MED12L: variants seen among roughly 807,000 people sequenced by gnomAD.
MED12L encodes mediator of RNA polymerase II transcription subunit 12-like protein.
In MED12L, 60 loss-of-function variants were observed where a neutral mutation model predicts 281.3. That is an observed-to-expected ratio of 0.21 (90% confidence interval 0.17 to 0.26). The LOEUF is 0.26. Ranked by LOEUF, MED12L falls within the 10% of genes least tolerant of loss-of-function variation. The pLI is 1.00. For synonymous variants in MED12L, 974 were observed against 987.2 expected (o/e 0.99, Z 0.25); for missense variants, 2,146 against 2,680.9 (o/e 0.80, Z 4.41).
chr3:151,096,422 A>G (rs1720717819), intron 2 of MED12L, among the ~76,000 whole-genome samples: 1 of 142,746 alleles, frequency 7.0e-6, no homozygotes, highest in South Asian at 2.2e-4. Flanking sequence ...TACACATTCC[A>G]GGAACTCTCC....
chr3:151,388,173 G>A lies in MED12L; in HGVS notation c.5451+1G>A, dbSNP rs1168480208. On this transcript the variant is annotated splice_donor_variant, in intron 37 of 44. Coordinates refer to ENST00000687756, the MANE Select transcript of MED12L (RefSeq NM_001393769.1). LOFTEE classifies it high-confidence loss of function. ...GACGAAATCTAGCTCAAGAGTTGAT[G>A]TAAGTGGGGAAAGGAAGGAGAACCT... is the stretch of plus-strand genomic sequence containing the variant. The A allele has an allele frequency of 6.3e-7, 1 of 1,590,270 alleles. No homozygotes were observed. Among genetic ancestry groups the A allele is most frequent in the Non-Finnish European group, 8.5e-7 (1 of 1,173,414 alleles).
Position 151,304,265 on chromosome 3 carries a change from A to G in MED12L, c.2251-45794A>G, listed in dbSNP as rs1298346875. 6.6e-5 allele frequency among the ~76,000 whole-genome samples: 10 copies of G among 152,292 alleles called. No individual in the cohort carries two copies. The East Asian group carries it at 1.9e-3, about 29-fold the overall frequency. On this transcript the variant is annotated intron_variant, in intron 16 of 44. Coordinates refer to ENST00000687756, the MANE Select transcript of MED12L (RefSeq NM_001393769.1). ...AATGGAGGGTTTTCTTAAGCATATC[A>G]TTCAATGTCTGGCATTTAAAAATGT...
chr3:151,368,677 GTCATTTCATTTTATT>G (rs1358640608), intron 25 of MED12L, among the ~76,000 whole-genome samples: 43 of 95,422 alleles, frequency 4.5e-4, no homozygotes, highest in African/African-American at 1.4e-3. Flanking sequence ...TTCATTTCAT[GTCATTTCATTTTATT>G]TCATTTCATT....
chr3:151,342,149 C>A (rs527312054), intron 16 of MED12L, among the ~76,000 whole-genome samples: 1 of 152,298 alleles, frequency 6.6e-6, no homozygotes, highest in South Asian at 2.1e-4. Flanking sequence ...TGAGGAATCA[C>A]CACACTGACT....
At chr3:151,233,772 C>T (rs1266508743) in intron 16 of MED12L, among the ~76,000 whole-genome samples, 1 of 152,164 alleles carries the variant, frequency 6.6e-6, no homozygotes, top group South Asian at 2.1e-4. Context: ...GACTTGAGAG[C>T]GAGAGTCCCA....
intron 16 of MED12L, among the ~76,000 whole-genome samples, chr3:151,291,040 A>G (rs1183119184): frequency 1.3e-5 from 2 of 151,688 alleles, no homozygotes; most frequent in Admixed American, 1.3e-4. Flanking sequence ...ATCTTTTTAT[A>G]TGGCGTGTGC....
intron 17 of MED12L, among the ~76,000 whole-genome samples, chr3:151,353,916 C>A (rs369373041): frequency 6.6e-6 from 1 of 151,700 alleles, no homozygotes; most frequent in African/African-American, 2.4e-5. Context: ...CCGAGGCGGG[C>A]GGATCACGAG....
chr3:151,303,667 G>A (rs1453010480), intron 16 of MED12L, among the ~76,000 whole-genome samples: 1 of 152,184 alleles, frequency 6.6e-6, no homozygotes, highest in Non-Finnish European at 1.5e-5. Context: ...GGAGGCTGAG[G>A]TAGGAGAATT....
intron 16 of MED12L, among the ~76,000 whole-genome samples, chr3:151,193,965 CT>C (rs34461662): frequency 0.01 from 1,236 of 123,476 alleles, 7 homozygotes; most frequent in African/African-American, 0.033. Context: ...TTTTTCTTTT[CT>C]TTTTTTTTTT....
intron 16 of MED12L, among the ~76,000 whole-genome samples, chr3:151,292,903 A>G (rs1744460405): frequency 6.6e-6 from 1 of 152,230 alleles, no homozygotes; most frequent in African/African-American, 2.4e-5. Context: ...GATCTAAAAT[A>G]TGACTATCTT....
intron 2 of MED12L, among the ~76,000 whole-genome samples, chr3:151,113,096 A>C (rs940008767): frequency 3.3e-5 from 5 of 152,220 alleles, no homozygotes; most frequent in Non-Finnish European, 7.3e-5. Context: ...GGATTGTTGA[A>C]GGATTAGGAA....
chr3:151,231,512 T>C (rs768231508), intron 16 of MED12L, among the ~76,000 whole-genome samples: 7 of 152,144 alleles, frequency 4.6e-5, no homozygotes, highest in Non-Finnish European at 7.3e-5. Context: ...ATAAACTGTA[T>C]CAAAAATCTT....
At chr3:151,261,950 C>T (rs775174934) in intron 16 of MED12L, among the ~76,000 whole-genome samples, 2 of 152,128 alleles carry the variant, frequency 1.3e-5, no homozygotes, top group Non-Finnish European at 2.9e-5. Context: ...TGGTCTTGAA[C>T]TCCTGACCTC....
chr3:151,261,167 C>G (rs1208821028), intron 16 of MED12L, among the ~76,000 whole-genome samples: 2 of 151,848 alleles, frequency 1.3e-5, no homozygotes, highest in Admixed American at 6.6e-5. Flanking sequence ...TTATACTGTT[C>G]CCCATTCTCT....
At position 151,390,076 on chromosome 3, in the gene MED12L, A is replaced by G. The variant is rs1279819559; in HGVS notation, c.5549A>G (p.Asn1850Ser). The G allele has an allele frequency of 4.3e-6, 7 of 1,613,972 alleles. No homozygotes were observed. The African/African-American group carries it at 9.3e-5, about 22-fold the overall frequency. ...CCACAGTCCACCTTGTGGGGTTACA[A>G]CCTCGTGGGCCAGCCCCAGCAGCCC... ...HHPQSTLWGY[N>S]LVGQPQQPGF... The change falls in exon 38 of 45, where the codon AAC (asparagine) becomes AGC (serine). Residue 1850 changes from asparagine (N) to serine (S), a missense_variant. Transcript: ENST00000687756.
chr3:151,429,007 C>A (rs1246638280), intron 43 of MED12L, among the ~76,000 whole-genome samples: 1 of 152,080 alleles, frequency 6.6e-6, no homozygotes, highest in Non-Finnish European at 1.5e-5. Flanking sequence ...GTTGCACTGG[C>A]GTTGGGTAAT....
At chr3:151,190,391 C>T (rs940137587) in intron 13 of MED12L, among the ~76,000 whole-genome samples, 4 of 151,982 alleles carry the variant, frequency 2.6e-5, no homozygotes, top group Admixed American at 1.3e-4. Flanking sequence ...AGGCTGGTCT[C>T]GAACTCCTGA....
intron 16 of MED12L, among the ~76,000 whole-genome samples, chr3:151,303,856 T>G (rs533141119): frequency 1.3e-5 from 2 of 151,892 alleles, no homozygotes; most frequent in East Asian, 3.9e-4. Context: ...AGTCTTAGGG[T>G]GAGGGGAGTG....
intron 16 of MED12L, among the ~76,000 whole-genome samples, chr3:151,246,454 A>G (rs1420320359): frequency 2.0e-5 from 3 of 152,106 alleles, no homozygotes; most frequent in Non-Finnish European, 1.5e-5. Flanking sequence ...CAGAGCCCTC[A>G]GAAATAACGC....
Sources: allele counts gnomAD v4.1 joint callset (sites outside exome capture counted in the v4.1 genomes callset), GRCh38; gene constraint gnomAD v4.1.1; transcripts MANE v1.5; gene names NCBI Gene and HGNC (gene_info 2026-07-23, HGNC 2026-07-21).